The following LRCH1 variants were observed in gnomAD, a reference collection of about 807,000 sequenced individuals.
LRCH1 encodes leucine-rich repeat and calponin homology domain-containing protein 1.
A neutral mutation model predicts 94.9 loss-of-function variants in LRCH1; 23 were observed. The observed-to-expected ratio is 0.24, with a 90% CI of 0.17 to 0.34. The LOEUF is 0.34. Among genes scored for constraint, LRCH1 ranks in the 10% least tolerant of loss-of-function variants. The pLI, the probability that LRCH1 is intolerant of heterozygous loss-of-function variation, is 1.00. For missense variants in LRCH1, 790 were observed against 945.9 expected (o/e 0.84, Z 2.16); for synonymous variants, 364 against 354.9 (o/e 1.03, Z -0.29).
chr13:46,699,380 T>C lies in LRCH1; in HGVS notation c.1290T>C (p.Asp430=). 1 of 1,614,082 alleles carries C rather than the reference T, an allele frequency of 6.2e-7. No homozygotes were observed. The highest frequency in any genetic ancestry group is 8.5e-7 in the Non-Finnish European group (1 of 1,179,958). The change falls in exon 10 of 20, where the codon GAT becomes GAC. Residue 430 remains aspartate, a synonymous_variant. Coordinates refer to ENST00000389797, the MANE Select transcript of LRCH1 (RefSeq NM_001164211.2). ...DCEELLRIEE[D]VHWQTEGIIS... ...AAGAGCTGTTACGGATAGAAGAGGATGTGCACTGGCAAACTGAGGGCATGT... is the reference window on the plus strand; with the variant it reads ...AAGAGCTGTTACGGATAGAAGAGGACGTGCACTGGCAAACTGAGGGCATGT...
At chr13:46,727,599 T>G (rs887529605) in intron 17 of LRCH1, among the ~76,000 whole-genome samples, 8 of 152,106 alleles carry the variant, frequency 5.3e-5, no homozygotes, top group Non-Finnish European at 1.0e-4. Context: ...GCCTCCTGAG[T>G]TCAAGTGATT....
At chr13:46,703,040 C>A (rs77048157) in intron 11 of LRCH1, among the ~76,000 whole-genome samples, 184 of 152,192 alleles carry the variant, frequency 1.2e-3, no homozygotes, top group Non-Finnish European at 2.0e-3. Flanking sequence ...ATGTTTGGCT[C>A]GTGGCATAGG....
intron 3 of LRCH1, among the ~76,000 whole-genome samples, chr13:46,669,732 A>G (rs2051572000): frequency 6.6e-6 from 1 of 152,222 alleles, no homozygotes; most frequent in Non-Finnish European, 1.5e-5. Flanking sequence ...TTTCACTACT[A>G]ATTTAATTAT....
In LRCH1 at chr13:46,692,745, T is replaced by C. The variant is rs978230028; in HGVS notation, c.1120+104T>C. The C allele has an allele frequency of 3.7e-6, 3 of 813,318 alleles. No homozygotes were observed. The African/African-American group carries it at 5.1e-5, about 14-fold the overall frequency. 50.4% of individuals were successfully genotyped at this position (813,318 alleles called of 1,614,324 possible). A position where few individuals can be genotyped will look rare whatever the true frequency, so the allele number is the denominator to read the frequency against. On this transcript the variant is annotated intron_variant, in intron 8 of 19. Coordinates refer to ENST00000389797, the MANE Select transcript of LRCH1 (RefSeq NM_001164211.2). ...GGGCAGTGATAATCTTTCTAGAGTA[T>C]GTCCTATGTACCAGGTACTGTGTTC...
intron 2 of LRCH1, among the ~76,000 whole-genome samples, chr13:46,667,893 T>TTTAAA (rs2051541749): frequency 6.6e-6 from 1 of 152,220 alleles, no homozygotes; most frequent in South Asian, 2.1e-4. Flanking sequence ...TTTGGTGTAT[T>TTTAAA]TCCATTCTGT....
chr13:46,707,499 A>G (rs1187662239), intron 13 of LRCH1, among the ~76,000 whole-genome samples: 1 of 152,180 alleles, frequency 6.6e-6, no homozygotes, highest in South Asian at 2.1e-4. Context: ...GTTGCAACTA[A>G]CAAGCAGTCT....
At chr13:46,655,999 G>A (rs1006779241) in intron 2 of LRCH1, among the ~76,000 whole-genome samples, 1 of 152,190 alleles carries the variant, frequency 6.6e-6, no homozygotes, top group Admixed American at 6.5e-5. Flanking sequence ...TGAACAAAAT[G>A]TTATCACACC....
intron 1 of LRCH1, among the ~76,000 whole-genome samples, chr13:46,635,610 A>G (rs2051076564): frequency 6.6e-6 from 1 of 151,716 alleles, no homozygotes; most frequent in African/African-American, 2.4e-5. Context: ...AGCTGGGACT[A>G]CAAGTACCCG....
intron 15 of LRCH1, among the ~76,000 whole-genome samples, chr13:46,713,319 C>T: frequency 6.6e-6 from 1 of 152,182 alleles, no homozygotes; most frequent in South Asian, 2.1e-4. Context: ...ATTTAGTCTA[C>T]ACTTACTACT....
In LRCH1 at chr13:46,713,529, A is replaced by G. The variant is rs569613226; in HGVS notation, c.1654+932A>G. On this transcript the variant is annotated intron_variant, in intron 15 of 19. Transcript: ENST00000389797. ...AGGAAATGTTTTTCATTCTTGGGGCAGGTTGATTGATGGGTAACAAGTGGC... is the reference window on the plus strand; with the variant it reads ...AGGAAATGTTTTTCATTCTTGGGGCGGGTTGATTGATGGGTAACAAGTGGC... 2.6e-5 allele frequency among the ~76,000 whole-genome samples: 4 copies of G among 152,346 alleles called. No individual in the cohort carries two copies. The South Asian group carries it at 8.3e-4, about 32-fold the overall frequency.
At chr13:46,589,614 T>C (rs1217529272) in intron 1 of LRCH1, among the ~76,000 whole-genome samples, 1 of 148,318 alleles carries the variant, frequency 6.7e-6, no homozygotes, top group Non-Finnish European at 1.5e-5. Context: ...TTTTTTTTTT[T>C]TTTGAGATGG....
At chr13:46,694,715 G>A (rs1871083810) in intron 8 of LRCH1, among the ~76,000 whole-genome samples, 178 bp from the exon 9 acceptor site, 1 of 152,146 alleles carries the variant, frequency 6.6e-6, no homozygotes, top group South Asian at 2.1e-4. Flanking sequence ...GCTTTCTGGG[G>A]TTATTTTATT....
chr13:46,739,490 C>T (rs766457862), intron 19 of LRCH1, among the ~76,000 whole-genome samples: 8 of 152,156 alleles, frequency 5.3e-5, no homozygotes, highest in Admixed American at 1.3e-4. Flanking sequence ...ATAATCTCTA[C>T]GTCCCTCTCA....
intron 1 of LRCH1, among the ~76,000 whole-genome samples, chr13:46,563,856 G>A (rs1180490371): frequency 6.6e-6 from 1 of 150,986 alleles, no homozygotes; most frequent in African/African-American, 2.4e-5. Flanking sequence ...CATGGCAGTA[G>A]GTGCCAGAGC....
chr13:46,657,149 C>T (rs2051379036), intron 2 of LRCH1, among the ~76,000 whole-genome samples: 1 of 106,380 alleles, frequency 9.4e-6, no homozygotes, highest in Non-Finnish European at 2.0e-5. Context: ...AATACCCACT[C>T]CTAATTCAAT....
chr13:46,616,125 G>A (rs143428343), intron 1 of LRCH1, among the ~76,000 whole-genome samples: 1 of 152,320 alleles, frequency 6.6e-6, no homozygotes, highest in East Asian at 1.9e-4. Flanking sequence ...AAATATCCTG[G>A]AGCGGGTTTA....
chr13:46,686,215 A>T (rs1870607025), intron 5 of LRCH1, among the ~76,000 whole-genome samples, 174 bp downstream of exon 5: 1 of 152,254 alleles, frequency 6.6e-6, no homozygotes. Flanking sequence ...GGAAGCCTCC[A>T]GAGTGAAGAC....
intron 1 of LRCH1, among the ~76,000 whole-genome samples, chr13:46,595,170 G>A (rs1008755992): frequency 2.0e-5 from 3 of 152,018 alleles, no homozygotes; most frequent in South Asian, 4.2e-4. Flanking sequence ...CATACCCATC[G>A]AGAACCCTAT....
intron 1 of LRCH1, among the ~76,000 whole-genome samples, chr13:46,649,022 G>A (rs2051258731): frequency 6.6e-6 from 1 of 152,148 alleles, no homozygotes; most frequent in African/African-American, 2.4e-5. Context: ...CAGGGACATG[G>A]ATGAAGCTGG....
Sources: gnomAD v4.1 joint callset for allele counts (sites outside exome capture counted in the v4.1 genomes callset) on GRCh38, gnomAD v4.1.1 for gene constraint, MANE v1.5 for transcripts, NCBI Gene and HGNC (gene_info 2026-07-23, HGNC 2026-07-21) for gene names.